Variants in EBPL observed in about 807,000 individuals in gnomAD.
EBPL encodes the protein EBP like.
A neutral mutation model predicts 19.0 loss-of-function variants in EBPL; 20 were observed. The observed-to-expected ratio is 1.05, with a 90% CI of 0.74 to 1.53. The LOEUF is 1.53. Among genes scored for constraint, EBPL ranks in the 40% most tolerant of loss-of-function variants. EBPL has a pLI of 0.00. For synonymous variants in EBPL, 107 were observed against 117.0 expected, an observed-to-expected ratio of 0.91 and a Z score of 0.55; for missense variants, 219 against 261.1, an observed-to-expected ratio of 0.84 and a Z score of 1.11.
intron 2 of EBPL, among the ~76,000 whole-genome samples, chr13:49,666,956 G>T (rs1292701828): frequency 6.6e-6 from 1 of 151,918 alleles, no homozygotes; most frequent in Non-Finnish European, 1.5e-5. Context: ...TACCACAAGA[G>T]ATGACTCCAG....
intron 1 of EBPL, among the ~76,000 whole-genome samples, chr13:49,672,586 AAATAAT>A (rs916054872): frequency 2.0e-5 from 3 of 152,254 alleles, no homozygotes; most frequent in Admixed American, 6.5e-5. Context: ...AGACAGTTAA[AAATAAT>A]AATAACAATA....
At chr13:49,686,489 C>T (rs1224258614) in intron 1 of EBPL, 1 of 1,251,300 alleles carries the variant, frequency 8.0e-7, no homozygotes, top group Admixed American at 2.4e-5. Flanking sequence ...TATTTTCTTT[C>T]TTTTTTTTTA....
At chr13:49,688,480 A>G (rs1954022994) in intron 1 of EBPL, among the ~76,000 whole-genome samples, 1 of 152,030 alleles carries the variant, frequency 6.6e-6, no homozygotes, top group Non-Finnish European at 1.5e-5. Context: ...AGCACTTTGG[A>G]AGGCCGAGGC....
intron 1 of EBPL, among the ~76,000 whole-genome samples, chr13:49,681,360 G>A (rs557150571): frequency 1.3e-5 from 2 of 152,018 alleles, no homozygotes; most frequent in Non-Finnish European, 2.9e-5. Context: ...GTGCGATCTC[G>A]GCTCACTACA....
At chr13:49,689,890 C>T (rs1207473476) in intron 1 of EBPL, among the ~76,000 whole-genome samples, 1 of 152,138 alleles carries the variant, frequency 6.6e-6, no homozygotes, top group Non-Finnish European at 1.5e-5. Context: ...TGGCTCACGC[C>T]TGTCATCCCA....
rs1954003883 is a variant in EBPL, at chr13:49,686,821, G to A, written c.171+4433C>T. Among the ~76,000 whole-genome samples the A allele has an allele frequency of 2.6e-5, 4 of 151,822 alleles. No homozygotes were observed. The South Asian group carries it at 8.3e-4, about 32-fold the overall frequency. ...TCTCTCTCTCTTCTTTTTGAGATGG[G>A]GTCTCACTCTGTCACCTAGGCTGGA... On this transcript the variant is annotated intron_variant, in intron 1 of 3. Coordinates refer to ENST00000242827, the MANE Select transcript of EBPL (RefSeq NM_032565.5).
Position 49,683,343 on chromosome 13 carries a change from C to T in EBPL, c.171+7911G>A, listed in dbSNP as rs186921496. Among the ~76,000 whole-genome samples the T allele has an allele frequency of 5.3e-3, 811 of 151,890 alleles. 9 individuals carry two copies. Among genetic ancestry groups the T allele is most frequent in the African/African-American group, 0.019 (768 of 41,470 alleles). ...AGATGGAGACCATCCCTGGCTAACA[C>T]GGTGAAACCTCGTCTCTACTAAAAA... is the stretch of plus-strand genomic sequence containing the variant. On this transcript the variant is annotated intron_variant, in intron 1 of 3. Coordinates refer to ENST00000242827, the MANE Select transcript of EBPL (RefSeq NM_032565.5).
intron 1 of EBPL, among the ~76,000 whole-genome samples, chr13:49,672,930 T>C (rs1953834101): frequency 6.6e-6 from 1 of 152,054 alleles, no homozygotes; most frequent in Non-Finnish European, 1.5e-5. Context: ...TGTGGTGGTG[T>C]GTGCCTGGAG....
intron 3 of EBPL, chr13:49,661,929 T>A: frequency 1.3e-6 from 2 of 1,550,052 alleles, no homozygotes; most frequent in Non-Finnish European, 1.7e-6. Context: ...ACTCTGTCCC[T>A]AAGGAAAGAA....
intron 2 of EBPL, among the ~76,000 whole-genome samples, chr13:49,665,103 T>C (rs556770037): frequency 1.1e-4 from 16 of 147,608 alleles, no homozygotes; most frequent in Admixed American, 4.1e-4. Context: ...AAAAGAGATA[T>C]TGACCAAGTC....
At chr13:49,685,893 G>A (rs1535470) in intron 1 of EBPL, among the ~76,000 whole-genome samples, 89,988 of 151,694 alleles carry the variant, frequency 0.59, 26,996 homozygotes, top group East Asian at 0.7. Context: ...AAGAATTAGA[G>A]ACTGGAATTG....
At chr13:49,664,027 G>A (rs1438600755) in intron 2 of EBPL, among the ~76,000 whole-genome samples, 3 of 152,208 alleles carry the variant, frequency 2.0e-5, no homozygotes, top group East Asian at 1.9e-4. Context: ...CAAGGTGGGC[G>A]GATCACTTGA....
At chr13:49,671,580 T>C (rs1953817140) in intron 1 of EBPL, among the ~76,000 whole-genome samples, 1 of 152,230 alleles carries the variant, frequency 6.6e-6, no homozygotes, top group South Asian at 2.1e-4. Flanking sequence ...AGCAGAGCCA[T>C]AGGGTGAAAT....
rs184666784 is a variant in EBPL, at chr13:49,668,392, T to C, written c.241+1385A>G. On this transcript the variant is annotated intron_variant, in intron 2 of 3. Transcript: ENST00000242827. The stretch of plus-strand genomic sequence containing the variant: ...ATCGAGACCATCCTGGCTAACATGG[T>C]GAAACCCCGTCTCTACTAAAAATAC... The C allele has an allele frequency of 8.3e-3, 1,939 of 234,708 alleles. 37 individuals are homozygous for C. Among genetic ancestry groups the C allele is most frequent in the East Asian group, 0.075 (448 of 5,988 alleles). 14.5% of individuals were successfully genotyped at this position (234,708 alleles called of 1,614,324 possible).
At chr13:49,690,942 AAC>A (rs1170009756) in intron 1 of EBPL, among the ~76,000 whole-genome samples, 5 of 152,188 alleles carry the variant, frequency 3.3e-5, no homozygotes, top group African/African-American at 1.2e-4. Context: ...TGTCCAGTTC[AAC>A]AGTTACGTGC....
intron 1 of EBPL, chr13:49,686,729 A>C (rs1594418124): frequency 1.2e-6 from 1 of 835,216 alleles, no homozygotes; most frequent in Admixed American, 3.7e-5. Flanking sequence ...AATTCCCAGC[A>C]CTCTCTCTTC....
intron 1 of EBPL, among the ~76,000 whole-genome samples, chr13:49,676,828 C>T (rs180873057): frequency 2.6e-5 from 4 of 152,036 alleles, no homozygotes; most frequent in Admixed American, 2.6e-4. Context: ...ATAGATAATC[C>T]CAGGCTGATT....
chr13:49,662,243 G>A (rs1294446021), intron 3 of EBPL, among the ~76,000 whole-genome samples: 2 of 152,138 alleles, frequency 1.3e-5, no homozygotes, highest in East Asian at 3.9e-4. Flanking sequence ...TGATCCACCT[G>A]CCTCGGCCTC....
intron 2 of EBPL, among the ~76,000 whole-genome samples, chr13:49,665,902 AAG>A (rs1965219951): frequency 6.6e-6 from 1 of 152,166 alleles, no homozygotes; most frequent in Admixed American, 6.5e-5. Flanking sequence ...AACTTCAGGG[AAG>A]ACTTCCTGGA....
Sources: allele counts gnomAD v4.1 joint callset (sites outside exome capture counted in the v4.1 genomes callset), GRCh38; gene constraint gnomAD v4.1.1; transcripts MANE v1.5; gene names NCBI Gene and HGNC (gene_info 2026-07-23, HGNC 2026-07-21).